The following ADGRG5 variants were observed in gnomAD, a reference collection of about 807,000 sequenced individuals.
ADGRG5 encodes G protein-coupled receptor 114.
Under a neutral mutation model 53.2 loss-of-function variants are expected in ADGRG5, and 37 were observed. The ratio of observed to expected loss-of-function variants is 0.70; its 90% confidence interval spans 0.53 to 0.91. The LOEUF (loss-of-function observed/expected upper bound fraction) is 0.91. ADGRG5 is among the 40% of genes least tolerant of loss of function. ADGRG5 has a pLI of 0.00. For missense variants in ADGRG5, 614 were observed against 675.8 expected (o/e 0.91, Z 1.01); for synonymous variants, 277 against 290.4 (o/e 0.95, Z 0.47).
chr16:57,554,750 T>A (rs1180975850), intron 1 of ADGRG5, among the ~76,000 whole-genome samples: 1 of 152,226 alleles, frequency 6.6e-6, no homozygotes, highest in Admixed American at 6.5e-5. Flanking sequence ...TTTATTAAGG[T>A]GGAAGCATAG....
intron 1 of ADGRG5, among the ~76,000 whole-genome samples, chr16:57,557,872 G>C (rs2032917177): frequency 6.6e-6 from 1 of 152,128 alleles, no homozygotes; most frequent in Admixed American, 6.6e-5. Context: ...TGTTCTTAGA[G>C]GTTTACCTTT....
At position 57,567,556 on chromosome 16, in the gene ADGRG5, C is replaced by A. The variant is rs1490438390; in HGVS notation, c.786C>A (p.Ala262=). 2.5e-6 allele frequency: 4 copies of A among 1,611,750 alleles called. No individual in the cohort carries two copies. The East Asian group carries it at 8.9e-5, about 36-fold the overall frequency. The change falls in exon 8 of 12, where the codon GCC becomes GCA. Residue 262 remains alanine, a synonymous_variant. Coordinates refer to ENST00000349457, the MANE Select transcript of ADGRG5 (RefSeq NM_001304376.3). ...SLVGCSISIV[A]SLITVLLHFH... ...TGGGCTGCAGCATCTCCATCGTGGC[C>A]TCGCTGATCACAGTCCTGCTGCACT...
chr16:57,529,243 C>T, the ADGRG5 span: 11 of 1,129,692 alleles, frequency 9.7e-6, no homozygotes, highest in African/African-American at 1.7e-5. The surrounding 1 kb of genome is among the most constrained non-coding windows in gnomAD (Gnocchi z 4.1). Flanking sequence ...CGGGGACGCG[C>T]GGCGGGCGCG....
chr16:57,548,096 C>G (rs1223812895), intron 1 of ADGRG5, among the ~76,000 whole-genome samples: 1 of 151,478 alleles, frequency 6.6e-6, no homozygotes, highest in Admixed American at 6.6e-5. Flanking sequence ...CTAGGCTGGT[C>G]TTGAACTCCT....
rs2033195610 is a variant in ADGRG5, at chr16:57,568,092, GAT to G, written c.1061_1062del (p.Tyr354CysfsTer101). 2 of 1,613,972 alleles carry G rather than the reference GAT, an allele frequency of 1.2e-6. No homozygotes were observed. The highest frequency in any genetic ancestry group is 1.7e-6 in the Non-Finnish European group (2 of 1,179,916). Reference sequence around the variant, plus strand: ...CGTGTCTACAACATCTACATCCGCAGATATGTGTTCAAGCTTGGTGTGCTAGG... The same window carrying G: ...CGTGTCTACAACATCTACATCCGCAGATGTGTTCAAGCTTGGTGTGCTAGG... On this transcript the variant is annotated frameshift_variant, in exon 9 of 12. Coordinates refer to ENST00000349457, the MANE Select transcript of ADGRG5 (RefSeq NM_001304376.3). LOFTEE classifies it high-confidence loss of function.
At chr16:57,530,406 C>T in the ADGRG5 span, among the ~76,000 whole-genome samples, 1 of 152,266 alleles carries the variant, frequency 6.6e-6, no homozygotes. Flanking sequence ...TTTCCTTCCC[C>T]ATTAGGCAGA....
At chr16:57,546,283 C>A (rs1315451673) in intron 1 of ADGRG5, among the ~76,000 whole-genome samples, 2 of 152,140 alleles carry the variant, frequency 1.3e-5, no homozygotes, top group African/African-American at 4.8e-5. Flanking sequence ...TGGCACCATG[C>A]TCAGCTAATG....
rs149170063 is a variant in ADGRG5, at chr16:57,557,931, G to T, written c.-38-4125G>T. On this transcript the variant is annotated intron_variant, in intron 1 of 11. Transcript: ENST00000349457. ...TATCAGAGCTATCTTGTCTCTATAT[G>T]ATAGTTCCAACATTTTGGCCATCTC... 1.4e-3 allele frequency among the ~76,000 whole-genome samples: 219 copies of T among 152,264 alleles called. 1 individual carries two copies. Among genetic ancestry groups the T allele is most frequent in the Admixed American group, 0.01 (155 of 15,304 alleles).
intron 1 of ADGRG5, 138 bp downstream of exon 1, chr16:57,542,839 A>T (rs1235728428): frequency 1.3e-5 from 2 of 152,402 alleles, no homozygotes; most frequent in Non-Finnish European, 2.9e-5. Flanking sequence ...CAAGCTGGGG[A>T]CCCACCCTCC....
the ADGRG5 span, among the ~76,000 whole-genome samples, chr16:57,534,664 A>G: frequency 0.031 from 4,746 of 152,220 alleles, 121 homozygotes; most frequent in Non-Finnish European, 0.046. Context: ...TGATGGATGG[A>G]AGGTACCCCT....
At chr16:57,559,703 C>T (rs1180310864) in intron 1 of ADGRG5, among the ~76,000 whole-genome samples, 2 of 151,872 alleles carry the variant, frequency 1.3e-5, no homozygotes, top group African/African-American at 4.8e-5. Context: ...CTCCAGAAAC[C>T]AGTTTGCTTG....
the ADGRG5 span, among the ~76,000 whole-genome samples, chr16:57,532,570 A>G: frequency 6.6e-6 from 1 of 152,200 alleles, no homozygotes; most frequent in East Asian, 1.9e-4. Context: ...ACAGGCACAC[A>G]ACGACACGGG....
intron 9 of ADGRG5, among the ~76,000 whole-genome samples, chr16:57,568,554 G>C (rs1361984193): frequency 1.9e-4 from 19 of 100,242 alleles, no homozygotes; most frequent in South Asian, 3.2e-4. Flanking sequence ...TCACCACCAT[G>C]ATCACCTCCT....
rs1200211300 is a variant in ADGRG5 at position 57,576,675 on chromosome 16, G to A, written c.*1137G>A. 2.6e-5 allele frequency: 4 copies of A among 152,172 alleles called. No individual in the cohort carries two copies. The highest frequency in any genetic ancestry group is 6.5e-5 in the Admixed American group (1 of 15,280). The allele number at this position is 152,172 out of a possible 1,614,324, so 9.4% of individuals were successfully genotyped here. A position where few individuals can be genotyped will look rare whatever the true frequency, so the allele number is the denominator to read the frequency against. ...GGAGGGGCCGTAACTGCAGGACTGCGCCTACTGAGTGACCCATTTCCTCCA... is the reference window on the plus strand; with the variant it reads ...GGAGGGGCCGTAACTGCAGGACTGCACCTACTGAGTGACCCATTTCCTCCA... On this transcript the variant is annotated 3_prime_UTR_variant, in exon 12 of 12. Transcript: ENST00000349457.
intron 10 of ADGRG5, among the ~76,000 whole-genome samples, chr16:57,572,039 G>A (rs1239499669): frequency 2.0e-5 from 3 of 151,810 alleles, no homozygotes; most frequent in Non-Finnish European, 2.9e-5. Context: ...ACCCACCTAC[G>A]AGCCAGCTTC....
chr16:57,535,526 A>G, the ADGRG5 span, among the ~76,000 whole-genome samples: 151 of 151,958 alleles, frequency 9.9e-4, no homozygotes, highest in African/African-American at 3.3e-3. Context: ...GAGGGGCACA[A>G]TGCCCCCGAG....
chr16:57,552,432 C>T (rs1380804867), intron 1 of ADGRG5, among the ~76,000 whole-genome samples: 1 of 152,242 alleles, frequency 6.6e-6, no homozygotes, highest in African/African-American at 2.4e-5. Flanking sequence ...TCTCCATCAG[C>T]ACTTGCTGTT....
chr16:57,575,172 C>G (rs1433350452), intron 11 of ADGRG5, 80 bp downstream of exon 11: 2 of 1,484,976 alleles, frequency 1.3e-6, no homozygotes, highest in African/African-American at 2.8e-5. Flanking sequence ...TAAAGGGGTT[C>G]AGGTGAAGGG....
At chr16:57,542,088 G>A (rs1457095288), upstream of ADGRG5, among the ~76,000 whole-genome samples, 3 of 152,188 alleles carry the variant, frequency 2.0e-5, no homozygotes, top group African/African-American at 7.2e-5. Context: ...CTGCAAGATG[G>A]TACTGTCATT....
Sources: allele counts gnomAD v4.1 joint callset (sites outside exome capture counted in the v4.1 genomes callset), GRCh38; gene constraint gnomAD v4.1.1; non-coding constraint Gnocchi (gnomAD v3.1); transcripts MANE v1.5; gene names NCBI Gene and HGNC (gene_info 2026-07-23, HGNC 2026-07-21).